The following ALDH18A1 variants were observed in gnomAD, a reference collection of about 807,000 sequenced individuals.
ALDH18A1 encodes delta-1-pyrroline-5-carboxylate synthase.
ALDH18A1 carries 44 observed loss-of-function variants against 88.8 expected under a neutral mutation model. The ratio of observed to expected loss-of-function variants is 0.50; its 90% CI spans 0.39 to 0.64. The LOEUF is 0.64. Among genes scored for constraint, ALDH18A1 ranks in the 30% least tolerant of loss-of-function variants. The probability of loss-of-function intolerance (pLI) is 0.00; values close to 1 mark genes in which losing one functional copy is unlikely to be tolerated. For synonymous variants in ALDH18A1, 331 were observed against 372.1 expected (o/e 0.89, Z 1.27); for missense variants, 782 against 1,009.5 (o/e 0.77, Z 3.05).
intron 15 of ALDH18A1, 107 bp downstream of exon 15, chr10:95,613,635 T>G (rs2097839582): frequency 1.4e-6 from 2 of 1,437,416 alleles, no homozygotes; most frequent in Admixed American, 3.4e-5. Flanking sequence ...CAGAAGATAT[T>G]AAAAAATATT....
chr10:95,608,015 C>A (rs1421690620), intron 17 of ALDH18A1, among the ~76,000 whole-genome samples: 1 of 152,216 alleles, frequency 6.6e-6, no homozygotes, highest in Non-Finnish European at 1.5e-5. Flanking sequence ...TCTCATGCCT[C>A]AGTTTCTTCA....
At chr10:95,612,818 A>G (rs1334442167) in intron 15 of ALDH18A1, among the ~76,000 whole-genome samples, 1 of 152,198 alleles carries the variant, frequency 6.6e-6, no homozygotes, top group East Asian at 1.9e-4. Context: ...CTTCCTTACC[A>G]AAGTAAAGTA....
At position 95,625,384 on chromosome 10, in the gene ALDH18A1, T is replaced by G; in HGVS notation, c.1224A>C (p.Lys408Asn). 5 of 1,614,138 alleles carry G rather than the reference T, an allele frequency of 3.1e-6. No homozygotes were observed. The highest frequency in any genetic ancestry group is 4.2e-6 in the Non-Finnish European group (5 of 1,180,004). ...DQRDEILLAN[K>N]KDLEEAEGRL... ...TACCCTCTGCCTCCTCCAAGTCTTTTTTGTTGGCTAACAGGATCTCATCAC... is the reference window on the plus strand; with the variant it reads ...TACCCTCTGCCTCCTCCAAGTCTTTGTTGTTGGCTAACAGGATCTCATCAC... The change falls in exon 11 of 18, where the codon AAA becomes AAC. Residue 408 changes from lysine to asparagine, a missense_variant. By Grantham distance (94) the Lys-to-Asn change is moderately conservative. This residue lies in a region of ALDH18A1 where 556 missense variants were observed against 654.5 expected (regional missense o/e 0.85). Transcript: ENST00000371224.
chr10:95,654,440 T>C (rs1012236076), intron 1 of ALDH18A1, among the ~76,000 whole-genome samples: 1 of 152,150 alleles, frequency 6.6e-6, no homozygotes, highest in Non-Finnish European at 1.5e-5. Flanking sequence ...TAGCTCTTTT[T>C]ATGCTACAGA....
intron 6 of ALDH18A1, 29 bp downstream of exon 6, chr10:95,633,462 T>C: frequency 1.2e-6 from 2 of 1,613,948 alleles, no homozygotes; most frequent in Non-Finnish European, 1.7e-6. Context: ...GTCTCCAGCA[T>C]GCTAAACCCT....
At position 95,607,080 on chromosome 10, in the gene ALDH18A1, A is replaced by C. The variant is rs1287422116; in HGVS notation, c.2207-137T>G. On this transcript the variant is annotated intron_variant, in intron 17 of 17. Coordinates refer to ENST00000371224, the MANE Select transcript of ALDH18A1 (RefSeq NM_002860.4). ...ACTCCTCATCCATCCTCCCCAGAAG[A>C]GCTGAGTCACCCTGTTCCCATAAAC... 3 of 822,372 alleles carry C rather than the reference A, an allele frequency of 3.6e-6. No homozygotes were observed. The African/African-American group carries it at 5.0e-5, about 14-fold the overall frequency. 50.9% of individuals were successfully genotyped at this position (822,372 alleles called of 1,614,324 possible).
Position 95,610,284 on chromosome 10 carries a change from C to T in ALDH18A1, c.2119G>A (p.Ala707Thr). 1 of 1,614,032 alleles carries T rather than the reference C, an allele frequency of 6.2e-7. No homozygotes were observed. Among genetic ancestry groups the T allele is most frequent in the South Asian group, 1.1e-5 (1 of 91,086 alleles). ...DVIVTEDENT[A>T]EFFLQHVDSA... ...TCTACGTGCTGCAGGAAGAACTCCG[C>T]TGTGTTTTCTGCAGGGTGAAGAAGG... is the stretch of plus-strand genomic sequence containing the variant. Residue 707 changes from alanine to threonine, a missense_variant, in exon 17 of 18, where the codon GCG (alanine) becomes ACG (threonine). Ala to Thr is a moderately conservative substitution (Grantham distance 58, BLOSUM62 0). This residue lies in a region of ALDH18A1 where 556 missense variants were observed against 654.5 expected (regional missense o/e 0.85). Transcript: ENST00000371224.
intron 3 of ALDH18A1, among the ~76,000 whole-genome samples, chr10:95,639,943 G>C (rs891265462): frequency 1.3e-5 from 2 of 150,522 alleles, no homozygotes; most frequent in African/African-American, 4.9e-5. Context: ...TCCCCAACAA[G>C]TCTTTATAAG....
chr10:95,654,704 C>G (rs561161362), intron 1 of ALDH18A1, among the ~76,000 whole-genome samples: 1 of 150,348 alleles, frequency 6.7e-6, no homozygotes, highest in African/African-American at 2.4e-5. Flanking sequence ...CATATGGCAT[C>G]TAGTAGGCAA....
chr10:95,655,840 A>C (rs1171265565), intron 1 of ALDH18A1, among the ~76,000 whole-genome samples: 1 of 152,156 alleles, frequency 6.6e-6, no homozygotes, highest in Non-Finnish European at 1.5e-5. Flanking sequence ...TTACAGACTA[A>C]ACAGAATGCC....
chr10:95,628,074 A>T (rs1269838243), intron 8 of ALDH18A1, among the ~76,000 whole-genome samples: 1 of 152,256 alleles, frequency 6.6e-6, no homozygotes, highest in East Asian at 1.9e-4. Context: ...GAAATATTTG[A>T]ACTGATAAAT....
intron 7 of ALDH18A1, among the ~76,000 whole-genome samples, chr10:95,630,198 C>T (rs2097866572): frequency 6.6e-6 from 1 of 152,160 alleles, no homozygotes; most frequent in African/African-American, 2.4e-5. Flanking sequence ...GCAGCGTCAA[C>T]TTCCTGGGCT....
intron 3 of ALDH18A1, among the ~76,000 whole-genome samples, chr10:95,640,497 A>C (rs2097889446): frequency 6.6e-6 from 1 of 152,144 alleles, no homozygotes; most frequent in South Asian, 2.1e-4. Flanking sequence ...AGGTGCCACC[A>C]TTCCTGGCTA....
intron 13 of ALDH18A1, among the ~76,000 whole-genome samples, chr10:95,615,336 C>A (rs1339729532): frequency 1.8e-5 from 2 of 112,746 alleles, no homozygotes; most frequent in Admixed American, 1.0e-4. Flanking sequence ...AAGACCATGT[C>A]TCAAAAAAAA....
chr10:95,633,117 C>T (rs2097873771), intron 6 of ALDH18A1, 68 bp from the exon 7 acceptor site: 1 of 1,422,716 alleles, frequency 7.0e-7, no homozygotes, highest in Non-Finnish European at 9.9e-7. Flanking sequence ...CATGGAAGAA[C>T]ACAGCCAAGC....
chr10:95,638,069 C>T (rs901084726), intron 3 of ALDH18A1, among the ~76,000 whole-genome samples: 9 of 151,936 alleles, frequency 5.9e-5, no homozygotes, highest in Admixed American at 1.3e-4. Context: ...GCTGGAGTGC[C>T]GTGGCATGAA....
intron 10 of ALDH18A1, among the ~76,000 whole-genome samples, chr10:95,625,794 C>G (rs1050118125): frequency 2.0e-5 from 3 of 150,878 alleles, no homozygotes; most frequent in African/African-American, 7.3e-5. Flanking sequence ...TGGATACAAT[C>G]TGTAGGAGAC....
Position 95,633,607 on chromosome 10 carries a change from G to C in ALDH18A1, c.601C>G (p.Arg201Gly). The C allele has an allele frequency of 6.2e-7, 1 of 1,613,954 alleles. No individual in the cohort carries two copies. The highest frequency in any genetic ancestry group is 8.5e-7 in the Non-Finnish European group (1 of 1,180,006). Residue 201 changes from arginine to glycine, a missense_variant, in exon 6 of 18, where the codon CGG becomes GGG. This residue lies in a region of ALDH18A1 where 132 missense variants were observed against 255.5 expected (regional missense o/e 0.52). Transcript: ENST00000371224. Reference protein sequence around the residue: ...NLDFHDEQKRRNLNGTLHELL... With the variant: ...NLDFHDEQKRGNLNGTLHELL... ...TCATGAAGTGTTCCATTGAGGTTCCGGCGCTTCTGCTCATCATGGAAATCC... is the reference window on the plus strand; with the variant it reads ...TCATGAAGTGTTCCATTGAGGTTCCCGCGCTTCTGCTCATCATGGAAATCC...
In ALDH18A1 at chr10:95,616,550, T is replaced by C; in HGVS notation, c.1532A>G (p.His511Arg). ...CAGGAGGTGGAGAATCCGGTTGCTGTGTGCAGCCTCCTTCCCTCCTTTGAG... is the reference window on the plus strand; with the variant it reads ...CAGGAGGTGGAGAATCCGGTTGCTGCGTGCAGCCTCCTTCCCTCCTTTGAG... ...LLLKGGKEAA[H>R]SNRILHLLTQ... Residue 511 changes from histidine (H) to arginine (R), a missense_variant, in exon 13 of 18, where the codon CAC becomes CGC. Around this residue, in one of 3 missense-constraint regions of ALDH18A1, gnomAD observed 556 missense variants for 654.5 expected, o/e 0.85. Transcript: ENST00000371224. 1.3e-6 allele frequency: 2 copies of C among 1,598,982 alleles called. No individual in the cohort carries two copies. The highest frequency in any genetic ancestry group is 1.7e-6 in the Non-Finnish European group (2 of 1,172,634).
Sources: gnomAD v4.1 joint callset for allele counts (sites outside exome capture counted in the v4.1 genomes callset) on GRCh38, gnomAD v4.1.1 for gene constraint, gnomAD v4.1.1 regional missense constraint, MANE v1.5 for transcripts, NCBI Gene and HGNC (gene_info 2026-07-23, HGNC 2026-07-21) for gene names.